RBBP8: variants seen among roughly 807,000 people sequenced by gnomAD.
The protein encoded by RBBP8 is DNA endonuclease RBBP8.
In RBBP8, 88 loss-of-function variants were observed where a neutral mutation model predicts 108.3. That is an observed-to-expected ratio of 0.81 (90% CI 0.68 to 0.97). The LOEUF is 0.97. RBBP8 is among the 50% of genes least tolerant of loss of function. The pLI, the probability that RBBP8 is intolerant of heterozygous loss-of-function variation, is 0.00. For missense variants in RBBP8, 1,023 were observed against 1,049.0 expected (o/e 0.98, Z 0.34); for synonymous variants, 332 against 348.2 (o/e 0.95, Z 0.52).
At chr18:23,003,973 C>T (rs919614167) in intron 15 of RBBP8, among the ~76,000 whole-genome samples, 2 of 143,224 alleles carry the variant, frequency 1.4e-5, no homozygotes, top group Admixed American at 7.6e-5. Context: ...AGGAGAATAG[C>T]GTGAACCCGG....
chr18:22,962,771 T>C (rs1272192816), intron 4 of RBBP8, among the ~76,000 whole-genome samples: 2 of 150,968 alleles, frequency 1.3e-5, no homozygotes, highest in Non-Finnish European at 2.9e-5. Flanking sequence ...CTAATTTTTC[T>C]GATATTTTTC....
At chr18:23,008,874 C>T (rs867419603) in intron 16 of RBBP8, among the ~76,000 whole-genome samples, 8 of 147,424 alleles carry the variant, frequency 5.4e-5, no homozygotes, top group African/African-American at 1.3e-4. Flanking sequence ...CCTGGGTTCA[C>T]GCCATTCTCC....
intron 3 of RBBP8, among the ~76,000 whole-genome samples, chr18:22,920,027 T>C (rs150335205): frequency 2.6e-5 from 4 of 152,226 alleles, no homozygotes; most frequent in Non-Finnish European, 5.9e-5. Flanking sequence ...TTAAATATGT[T>C]TTTAAAATGT....
intron 4 of RBBP8, among the ~76,000 whole-genome samples, chr18:22,955,517 G>T (rs146504346): frequency 2.9e-3 from 436 of 151,996 alleles, no homozygotes; most frequent in Middle Eastern, 0.01. Flanking sequence ...GAGGAAACTA[G>T]CTGGCAAAGA....
chr18:23,025,796 A>G (rs1422249818), intron 18 of RBBP8, among the ~76,000 whole-genome samples: 1 of 152,240 alleles, frequency 6.6e-6, no homozygotes, highest in African/African-American at 2.4e-5. Flanking sequence ...AGCTTGGGCC[A>G]GGTCCCAGCT....
chr18:23,022,256 C>G lies in RBBP8; in HGVS notation c.2582C>G (p.Thr861Ser). ...GAAGTTGGTTTTCCTTCCACTCAGA[C>G]TTGTATGGAAAGAGGTGAGAGTATA... ...FWEVGFPSTQ[T>S]CMERGYIKED... Residue 861 changes from threonine to serine, a missense_variant, in exon 18 of 19, where the codon ACT (threonine) becomes AGT (serine). Coordinates refer to ENST00000327155, the MANE Select transcript of RBBP8 (RefSeq NM_002894.3). 1 of 1,610,570 alleles carries G rather than the reference C, an allele frequency of 6.2e-7. No homozygotes were observed. Among genetic ancestry groups the G allele is most frequent in the African/African-American group, 1.3e-5 (1 of 74,930 alleles).
At chr18:23,004,894 G>A (rs1320587332) in intron 15 of RBBP8, 1 of 152,466 alleles carries the variant, frequency 6.6e-6, no homozygotes, top group African/African-American at 2.4e-5. Flanking sequence ...CGGGCACAGT[G>A]GCTTACGCCT....
At chr18:22,998,952 T>C (rs1475668916) in intron 14 of RBBP8, among the ~76,000 whole-genome samples, 1 of 152,230 alleles carries the variant, frequency 6.6e-6, no homozygotes, top group African/African-American at 2.4e-5. Flanking sequence ...CTTAAGAGGA[T>C]ACTTTGCTTT....
intron 6 of RBBP8, among the ~76,000 whole-genome samples, chr18:22,981,993 A>C (rs1914961839): frequency 6.6e-6 from 1 of 152,130 alleles, no homozygotes; most frequent in Admixed American, 6.5e-5. Context: ...TTTTAATTTC[A>C]CCTGAAGTGC....
intron 16 of RBBP8, among the ~76,000 whole-genome samples, chr18:23,011,082 A>G (rs2046151093): frequency 6.6e-6 from 1 of 152,198 alleles, no homozygotes; most frequent in Admixed American, 6.5e-5. Flanking sequence ...AGATCACACC[A>G]GAGCTGAGGG....
chr18:22,927,605 T>C (rs1309534653), intron 3 of RBBP8, among the ~76,000 whole-genome samples: 2 of 152,130 alleles, frequency 1.3e-5, no homozygotes, highest in African/African-American at 2.4e-5. Flanking sequence ...TTCAGAGACT[T>C]AGTATGAAGA....
chr18:22,946,398 T>A, intron 2 of RBBP8, 46 bp from the exon 3 acceptor site: 1 of 1,605,588 alleles, frequency 6.2e-7, no homozygotes, highest in Non-Finnish European at 8.5e-7. Flanking sequence ...ATTTGACTCA[T>A]AAAGGAACTG....
chr18:22,973,440 A>G (rs932841500), intron 5 of RBBP8, among the ~76,000 whole-genome samples: 7 of 152,178 alleles, frequency 4.6e-5, no homozygotes, highest in African/African-American at 1.7e-4. Flanking sequence ...TGTGAACCCT[A>G]CAAAGGATGA....
At chr18:22,992,564 T>C (rs953592241) in intron 10 of RBBP8, among the ~76,000 whole-genome samples, 184 bp from the exon 11 acceptor site, 2 of 152,366 alleles carry the variant, frequency 1.3e-5, no homozygotes, top group African/African-American at 4.8e-5. Flanking sequence ...ATGAATATTA[T>C]GGTGTTGAGA....
intron 2 of RBBP8, among the ~76,000 whole-genome samples, chr18:22,942,601 T>C (rs1224595330): frequency 1.3e-5 from 2 of 152,106 alleles, no homozygotes; most frequent in East Asian, 1.9e-4. Flanking sequence ...GATATGTTCC[T>C]TTTGTGACAA....
chr18:22,975,117 T>C lies in RBBP8; in HGVS notation c.362-36T>C, dbSNP rs185637390. ...AGCCTAACATAGATGTTAATATAAATATATTATTTGCCTTCTTTTTCACAT... is the reference window on the plus strand; with the variant it reads ...AGCCTAACATAGATGTTAATATAAACATATTATTTGCCTTCTTTTTCACAT... On this transcript the variant is annotated intron_variant, in intron 5 of 18. Transcript: ENST00000327155. The C allele has an allele frequency of 8.3e-6, 13 of 1,574,230 alleles. No homozygotes were observed. The African/African-American group carries it at 1.8e-4, about 21-fold the overall frequency.
At chr18:22,940,572 A>G (rs963907223) in intron 2 of RBBP8, among the ~76,000 whole-genome samples, 9 of 151,956 alleles carry the variant, frequency 5.9e-5, no homozygotes, top group Non-Finnish European at 1.0e-4. Flanking sequence ...CGCCCGCCTC[A>G]GCCTCCCAAA....
intron 3 of RBBP8, among the ~76,000 whole-genome samples, chr18:22,947,157 C>T (rs987587317): frequency 2.0e-5 from 3 of 152,020 alleles, no homozygotes; most frequent in Admixed American, 6.5e-5. Context: ...ATAGACTATT[C>T]ACCTTCAGAT....
chr18:23,002,101 G>A (rs1340437213), intron 15 of RBBP8, among the ~76,000 whole-genome samples: 1 of 152,114 alleles, frequency 6.6e-6, no homozygotes, highest in Non-Finnish European at 1.5e-5. Context: ...TAATAGAGTA[G>A]AAGGAGAAAG....
Sources: allele counts gnomAD v4.1 joint callset (sites outside exome capture counted in the v4.1 genomes callset), GRCh38; gene constraint gnomAD v4.1.1; transcripts MANE v1.5; gene names NCBI Gene and HGNC (gene_info 2026-07-23, HGNC 2026-07-21).